Variants in MTUS1 observed in about 807,000 individuals in gnomAD.
MTUS1 encodes the protein microtubule-associated tumor suppressor 1.
MTUS1 carries 109 observed loss-of-function variants against 120.8 expected under a neutral mutation model. That is an observed-to-expected ratio of 0.90 (90% CI 0.77 to 1.06). The LOEUF is 1.06. Ranked by LOEUF, MTUS1 falls within the 50% of genes least tolerant of loss-of-function variation. The pLI is 0.00. For synonymous variants in MTUS1, 737 were observed against 550.5 expected (o/e 1.34, Z -4.74); for missense variants, 2,210 against 1,486.3 (o/e 1.49, Z -8.01).
chr8:17,785,876 G>A (rs938408384), intron 1 of MTUS1, among the ~76,000 whole-genome samples: 9 of 152,200 alleles, frequency 5.9e-5, no homozygotes, highest in African/African-American at 2.2e-4. Context: ...CAGGTACCAT[G>A]GGTCATGCCT....
intron 2 of MTUS1, among the ~76,000 whole-genome samples, chr8:17,745,827 T>G (rs546028788): frequency 1.4e-4 from 22 of 152,332 alleles, no homozygotes; most frequent in African/African-American, 3.1e-4. Flanking sequence ...GTGATATAAT[T>G]TGGATCTGTG....
Position 17,767,566 on chromosome 8 carries a change from T to TG in MTUS1, c.-154-11606dup, listed in dbSNP as rs1256211997. Among the ~76,000 whole-genome samples the TG allele has an allele frequency of 2.1e-5, 3 of 143,964 alleles. No individual in the cohort carries two copies. In the Admixed American group the frequency reaches 2.1e-4, roughly 10 times the overall value. The allele number at this position is 143,964 out of a possible 152,430, so 94.4% of individuals were successfully genotyped here. ...AAAAAAAATCAACCAGGCATGGGGG[T>TG]GCACACCTATGGTCCCAGCTACTCT... On this transcript the variant is annotated intron_variant, in intron 1 of 14. Transcript: ENST00000693296.
chr8:17,793,832 T>C (rs1351545603), intron 1 of MTUS1, among the ~76,000 whole-genome samples: 1 of 152,208 alleles, frequency 6.6e-6, no homozygotes, highest in Non-Finnish European at 1.5e-5. Flanking sequence ...GCAGGTGGAA[T>C]TTTTAATGCA....
chr8:17,738,936 C>A (rs997598576), intron 3 of MTUS1, among the ~76,000 whole-genome samples: 1 of 151,530 alleles, frequency 6.6e-6, no homozygotes, highest in African/African-American at 2.4e-5. Context: ...CCCAGGAGTT[C>A]AAGACCAGCC....
chr8:17,791,909 G>A (rs2051816462), intron 1 of MTUS1, among the ~76,000 whole-genome samples: 2 of 152,118 alleles, frequency 1.3e-5, no homozygotes, highest in South Asian at 2.1e-4. Context: ...TATATACCTG[G>A]CACCTGTGTC....
chr8:17,775,051 A>C (rs1797836676), intron 1 of MTUS1, among the ~76,000 whole-genome samples: 1 of 151,904 alleles, frequency 6.6e-6, no homozygotes. Flanking sequence ...GAGTAGTCAA[A>C]TGAATAGAGA....
chr8:17,785,860 T>C (rs554576992), intron 1 of MTUS1, among the ~76,000 whole-genome samples: 1 of 152,140 alleles, frequency 6.6e-6, no homozygotes, highest in Non-Finnish European at 1.5e-5. Flanking sequence ...AGCAAAGGCC[T>C]AAGGCCAGGT....
rs138723419 is a variant in MTUS1, at chr8:17,732,662, G to A, written c.2288-8829C>T. 1.5e-4 allele frequency among the ~76,000 whole-genome samples: 23 copies of A among 152,208 alleles called. 2 individuals are homozygous for A. The highest frequency in any genetic ancestry group is 4.8e-4 in the African/African-American group (20 of 41,512). On this transcript the variant is annotated intron_variant, in intron 3 of 14. Transcript: ENST00000693296. ...ATGGCCTCTTATCAATCATTTCTAT[G>A]TAACTGAGTTTCAGATCTCCCCTTC... is the stretch of plus-strand genomic sequence containing the variant.
At chr8:17,685,768 A>G (rs1231060905) in intron 6 of MTUS1, among the ~76,000 whole-genome samples, 2 of 152,236 alleles carry the variant, frequency 1.3e-5, no homozygotes, top group African/African-American at 4.8e-5. Flanking sequence ...ATACTTGATA[A>G]TTCTCAGTTC....
intron 1 of MTUS1, among the ~76,000 whole-genome samples, chr8:17,765,502 C>G (rs570514011): frequency 6.6e-6 from 1 of 151,756 alleles, no homozygotes; most frequent in African/African-American, 2.4e-5. Flanking sequence ...CACCTGTAAT[C>G]TCAGCTACTA....
intron 8 of MTUS1, among the ~76,000 whole-genome samples, chr8:17,668,421 A>C (rs1811349669): frequency 6.6e-6 from 1 of 152,210 alleles, no homozygotes; most frequent in African/African-American, 2.4e-5. Flanking sequence ...CTATTGCACC[A>C]GCTGTTATTC....
At chr8:17,702,871 G>A (rs945451364) in intron 6 of MTUS1, among the ~76,000 whole-genome samples, 7 of 152,130 alleles carry the variant, frequency 4.6e-5, no homozygotes, top group Non-Finnish European at 7.3e-5. Flanking sequence ...CTGGAGCCAC[G>A]GCAGAGGAAA....
In MTUS1 at chr8:17,645,713, C is replaced by A. The variant is rs906811972; in HGVS notation, c.*213G>T. 2 of 548,770 alleles carry A rather than the reference C, an allele frequency of 3.6e-6. No homozygotes were observed. The highest frequency in any genetic ancestry group is 5.9e-6 in the Non-Finnish European group (2 of 338,632). The allele number at this position is 548,770 out of a possible 1,614,324, so 34.0% of individuals were successfully genotyped here. Reference sequence around the variant, plus strand: ...TCGATGCCGAAATCTTTTTTTAAATCTTTTTTTGGAGGAATCTTTTGGACG... The same window carrying A: ...TCGATGCCGAAATCTTTTTTTAAATATTTTTTTGGAGGAATCTTTTGGACG... On this transcript the variant is annotated 3_prime_UTR_variant, in exon 15 of 15. Transcript: ENST00000693296.
chr8:17,795,339 C>G (rs979434807), intron 1 of MTUS1, among the ~76,000 whole-genome samples: 5 of 152,154 alleles, frequency 3.3e-5, no homozygotes, highest in African/African-American at 1.2e-4. Flanking sequence ...AGTAGAAGAT[C>G]AGAATAATTA....
intron 2 of MTUS1, among the ~76,000 whole-genome samples, chr8:17,747,665 C>T (rs1488260040): frequency 1.3e-5 from 2 of 152,186 alleles, no homozygotes; most frequent in Non-Finnish European, 2.9e-5. Flanking sequence ...TATGGCCTGC[C>T]TTGCCCCCCA....
At chr8:17,759,679 T>C (rs2048889013) in intron 1 of MTUS1, among the ~76,000 whole-genome samples, 1 of 149,396 alleles carries the variant, frequency 6.7e-6, no homozygotes, top group African/African-American at 2.4e-5. Flanking sequence ...TATTATATAC[T>C]GAGTTTTGCT....
chr8:17,704,265 G>C (rs934702759), intron 6 of MTUS1: 1 of 152,022 alleles, frequency 6.6e-6, no homozygotes, highest in African/African-American at 2.4e-5. Context: ...TTAAATGACT[G>C]CTTTGCTCTG....
chr8:17,702,976 T>A (rs768645035), intron 6 of MTUS1, among the ~76,000 whole-genome samples: 1 of 152,222 alleles, frequency 6.6e-6, no homozygotes, highest in Non-Finnish European at 1.5e-5. Context: ...TTAATCCTGT[T>A]ATCTTTGTAA....
chr8:17,671,889 G>C (rs1390126828), intron 8 of MTUS1, among the ~76,000 whole-genome samples: 1 of 152,058 alleles, frequency 6.6e-6, no homozygotes, highest in African/African-American at 2.4e-5. Context: ...TGCTGTGATG[G>C]GCCAGGCACT....
Sources: allele counts gnomAD v4.1 joint callset (sites outside exome capture counted in the v4.1 genomes callset), GRCh38; gene constraint gnomAD v4.1.1; transcripts MANE v1.5; gene names NCBI Gene and HGNC (gene_info 2026-07-23, HGNC 2026-07-21).